CDK12: variants seen among roughly 807,000 people sequenced by gnomAD.
CDK12 encodes the protein cyclin dependent kinase 12, also known as cyclin-dependent kinase 12.
CDK12 carries 17 observed loss-of-function variants against 133.8 expected under a neutral mutation model. The observed-to-expected ratio is 0.13, with a 90% CI of 0.09 to 0.19. The LOEUF is 0.19. CDK12 is among the 10% of genes least tolerant of loss of function. The pLI is 1.00. For synonymous variants in CDK12, 694 were observed against 683.6 expected (o/e 1.02, Z -0.24); for missense variants, 1,508 against 1,818.7 (o/e 0.83, Z 3.11).
intron 2 of CDK12, among the ~76,000 whole-genome samples, chr17:39,489,738 C>T (rs925281847): frequency 1.3e-5 from 2 of 151,018 alleles, no homozygotes; most frequent in Non-Finnish European, 2.9e-5. Context: ...GTGATCTGCC[C>T]GCCTCAGCCT....
intron 1 of CDK12, among the ~76,000 whole-genome samples, chr17:39,469,660 G>A (rs2049632499): frequency 7.1e-6 from 1 of 140,486 alleles, no homozygotes; most frequent in Non-Finnish European, 1.5e-5. Flanking sequence ...TTTTTGAGAC[G>A]GAATTTTGCT....
chr17:39,485,169 C>CA (rs564188686), intron 2 of CDK12, among the ~76,000 whole-genome samples: 1,243 of 74,624 alleles, frequency 0.017, 15 homozygotes, highest in Middle Eastern at 0.038. Flanking sequence ...GACTCTGTCT[C>CA]AAAAAAAAAA....
Position 39,471,669 on chromosome 17 carries a change from G to GTTT in CDK12, c.1838_1839insTTT (p.Val613_Ser614insLeu), listed in dbSNP as rs1474918134. 3 of 1,614,074 alleles carry GTTT rather than the reference G, an allele frequency of 1.9e-6. No individual in the cohort carries two copies. The highest frequency in any genetic ancestry group is 2.5e-6 in the Non-Finnish European group (3 of 1,179,986). ...TGTACAGGTTTCTGTGAAGACTCAA[G>GTTT]TATCTGTAACAGCTGCTATTCCACA... On this transcript the variant is annotated inframe_insertion, in exon 2 of 14. Coordinates refer to ENST00000447079, the MANE Select transcript of CDK12 (RefSeq NM_016507.4).
intron 11 of CDK12, among the ~76,000 whole-genome samples, chr17:39,523,475 CAAAAGA>C (rs1190139983): frequency 1.3e-5 from 2 of 151,200 alleles, no homozygotes; most frequent in Non-Finnish European, 2.9e-5. Flanking sequence ...GACTCTGTCT[CAAAAGA>C]AAAAGAAAAA....
In CDK12 at chr17:39,497,908, G is replaced by A. The variant is rs149041860; in HGVS notation, c.2419+3214G>A. ...ACTTGGGCCACCGCACCCAGCGAATGTCATTTTGGATTATATTCCTTATAT... is the reference window on the plus strand; with the variant it reads ...ACTTGGGCCACCGCACCCAGCGAATATCATTTTGGATTATATTCCTTATAT... On this transcript the variant is annotated intron_variant, in intron 5 of 13. Coordinates refer to ENST00000447079, the MANE Select transcript of CDK12 (RefSeq NM_016507.4). Among the ~76,000 whole-genome samples the A allele has an allele frequency of 1.8e-4, 27 of 152,104 alleles. No individual in the cohort carries two copies. The East Asian group carries it at 2.5e-3, about 14-fold the overall frequency.
chr17:39,508,145 C>T (rs2053251154), intron 6 of CDK12, among the ~76,000 whole-genome samples: 1 of 152,148 alleles, frequency 6.6e-6, no homozygotes, highest in Non-Finnish European at 1.5e-5. Flanking sequence ...TTCCACTGAG[C>T]ATTTCCTTTG....
chr17:39,517,418 C>T (rs777808543), intron 9 of CDK12, 22 bp from the exon 10 acceptor site: 1 of 1,419,230 alleles, frequency 7.0e-7, no homozygotes. Context: ...CTCCATTGTT[C>T]TTGCTTTTGC....
Position 39,517,554 on chromosome 17 carries a change from T to C in CDK12, c.2961T>C (p.Ser987=). The part of the protein sequence containing the change: ...QYRRRLREEF[S]FIPSAALDLL... ...GAAGGCGTCTACGAGAAGAATTCTC[T>C]TTGTGAGTTTGGGGAAAATGAACAT... The change falls in exon 10 of 14, where the codon TCT becomes TCC. Residue 987 remains serine (S), a splice_region_variant and synonymous_variant. Coordinates refer to ENST00000447079, the MANE Select transcript of CDK12 (RefSeq NM_016507.4). The C allele has an allele frequency of 1.9e-6, 3 of 1,568,336 alleles. No homozygotes were observed. Among genetic ancestry groups the C allele is most frequent in the South Asian group, 2.2e-5 (2 of 90,126 alleles).
intron 2 of CDK12, among the ~76,000 whole-genome samples, chr17:39,482,147 G>A (rs1300218517): frequency 2.6e-5 from 4 of 151,134 alleles, no homozygotes; most frequent in Non-Finnish European, 5.9e-5. Flanking sequence ...CTGAGTAGCT[G>A]GATTACAGGC....
chr17:39,488,860 C>T (rs1211459609), intron 2 of CDK12, among the ~76,000 whole-genome samples: 1 of 151,938 alleles, frequency 6.6e-6, no homozygotes, highest in Non-Finnish European at 1.5e-5. Context: ...AAATGATGCT[C>T]CCACCCCAGG....
intron 5 of CDK12, among the ~76,000 whole-genome samples, chr17:39,495,006 C>T (rs549305014): frequency 9.2e-5 from 14 of 152,048 alleles, no homozygotes; most frequent in Middle Eastern, 3.4e-3. Context: ...CTCCTGACCT[C>T]GTGATCCGCC....
chr17:39,546,187 CTTTTTT>C (rs935672311), upstream of CDK12: 1 of 148,144 alleles, frequency 6.8e-6, no homozygotes, highest in Non-Finnish European at 1.5e-5. Flanking sequence ...CCAATTTTTT[CTTTTTT>C]TTTTGAGACG....
intron 1 of CDK12, among the ~76,000 whole-genome samples, chr17:39,463,598 C>T (rs899533667): frequency 6.6e-6 from 1 of 152,034 alleles, no homozygotes; most frequent in Non-Finnish European, 1.5e-5. Flanking sequence ...TACATTTATT[C>T]ATTTCCTACT....
At chr17:39,469,930 C>A (rs1755450892) in intron 1 of CDK12, among the ~76,000 whole-genome samples, 1 of 152,088 alleles carries the variant, frequency 6.6e-6, no homozygotes, top group Non-Finnish European at 1.5e-5. Context: ...AGCCACCGCA[C>A]CTGGCCAAGC....
intron 6 of CDK12, 141 bp from the exon 7 acceptor site, chr17:39,509,564 G>A: frequency 1.6e-6 from 1 of 619,758 alleles, no homozygotes; most frequent in East Asian, 2.7e-5. Flanking sequence ...TAAAAAGAAA[G>A]AGAAAAGAGT....
At position 39,471,339 on chromosome 17, in the gene CDK12, T is replaced by G; in HGVS notation, c.1507T>G (p.Ser503Ala). 1.2e-6 allele frequency: 2 copies of G among 1,613,720 alleles called. No individual in the cohort carries two copies. Among genetic ancestry groups the G allele is most frequent in the East Asian group, 4.5e-5 (2 of 44,874 alleles). ...TTTGAAAGCACAGGGAACAAGAGAC[T>G]CTAAACCCATAGCACTGAAAGAGGA... is the stretch of plus-strand genomic sequence containing the variant. Reference protein sequence around the residue: ...KDLKAQGTRDSKPIALKEEIV... With the variant: ...KDLKAQGTRDAKPIALKEEIV... The change falls in exon 2 of 14, where the codon TCT (serine) becomes GCT (alanine). Residue 503 changes from serine (S) to alanine (A), a missense_variant. This residue lies in a region of CDK12 where 347 missense variants were observed against 330.8 expected (regional missense o/e 1.05). Coordinates refer to ENST00000447079, the MANE Select transcript of CDK12 (RefSeq NM_016507.4).
At chr17:39,566,663 G>C (rs1016600491), downstream of CDK12, among the ~76,000 whole-genome samples, 6 of 152,078 alleles carry the variant, frequency 3.9e-5, no homozygotes, top group Non-Finnish European at 7.4e-5. Context: ...TGGGCTCTAC[G>C]CCGTCTTGGG....
In CDK12 at chr17:39,511,602, A is replaced by G. The variant is rs781377844; in HGVS notation, c.2740A>G (p.Thr914Ala). 2.5e-6 allele frequency: 4 copies of G among 1,612,254 alleles called. No homozygotes were observed. Among genetic ancestry groups the G allele is most frequent in the African/African-American group, 1.3e-5 (1 of 75,014 alleles). ...ACTACTGCTAGGAGAGGAACGTTAC[A>G]CACCAGCCATAGATGTTTGGAGCTG... ...PELLLGEERY[T>A]PAIDVWSCGC... The change falls in exon 8 of 14, where the codon ACA becomes GCA. Residue 914 changes from threonine to alanine, a missense_variant. Thr to Ala is a moderately conservative substitution (Grantham distance 58). Coordinates refer to ENST00000447079, the MANE Select transcript of CDK12 (RefSeq NM_016507.4).
intron 5 of CDK12, among the ~76,000 whole-genome samples, chr17:39,496,085 T>C (rs1339849621): frequency 6.6e-6 from 1 of 151,868 alleles, no homozygotes; most frequent in Admixed American, 6.6e-5. Flanking sequence ...CTAATTTTTA[T>C]AATTTTAATA....
Sources: gnomAD v4.1 joint callset for allele counts (sites outside exome capture counted in the v4.1 genomes callset) on GRCh38, gnomAD v4.1.1 for gene constraint, gnomAD v4.1.1 regional missense constraint, MANE v1.5 for transcripts, NCBI Gene and HGNC (gene_info 2026-07-23, HGNC 2026-07-21) for gene names.